The following GOLGB1 variants were observed in gnomAD, a reference collection of about 807,000 sequenced individuals.
The protein encoded by GOLGB1 is golgin B1, also known as golgin subfamily B member 1.
A neutral mutation model predicts 336.9 loss-of-function variants in GOLGB1; 174 were observed. The ratio of observed to expected loss-of-function variants is 0.52; its 90% CI spans 0.46 to 0.59. The LOEUF is 0.59. Among genes scored for constraint, GOLGB1 ranks in the 20% least tolerant of loss-of-function variants. GOLGB1 has a pLI of 0.00. For missense variants in GOLGB1, 3,331 were observed against 3,645.3 expected, an observed-to-expected ratio of 0.91 and a Z score of 2.22; for synonymous variants, 1,208 against 1,289.2, an observed-to-expected ratio of 0.94 and a Z score of 1.35.
At chr3:121,747,271 A>G (rs9854234) in intron 1 of GOLGB1, among the ~76,000 whole-genome samples, 1,806 of 134,514 alleles carry the variant, frequency 0.013, 37 homozygotes, top group African/African-American at 0.049. Context: ...ATATATATGT[A>G]TATATGTATA....
chr3:121,680,563 T>C (rs1243486339), intron 15 of GOLGB1, among the ~76,000 whole-genome samples: 1 of 152,070 alleles, frequency 6.6e-6, no homozygotes, highest in African/African-American at 2.4e-5. Context: ...AATAAAAAGC[T>C]AACTCACTGG....
At chr3:121,670,643 C>CT (rs1453541233) in intron 17 of GOLGB1, among the ~76,000 whole-genome samples, 1 of 151,664 alleles carries the variant, frequency 6.6e-6, no homozygotes, top group East Asian at 1.9e-4. Context: ...AGATGTCAAA[C>CT]CAGGACTCAA....
intron 1 of GOLGB1, among the ~76,000 whole-genome samples, chr3:121,733,287 C>CAAAAAAAA (rs35457720): frequency 1.5e-5 from 1 of 64,638 alleles, no homozygotes. Context: ...TGCTCCGTCT[C>CAAAAAAAA]AAAAAAAAAA....
intron 10 of GOLGB1, among the ~76,000 whole-genome samples, chr3:121,711,232 C>T (rs1944338918): frequency 6.6e-6 from 1 of 151,402 alleles, no homozygotes; most frequent in African/African-American, 2.4e-5. Context: ...AGGATTGCTA[C>T]AACTAGACAT....
Position 121,695,127 on chromosome 3 carries a change from G to C in GOLGB1, c.5396C>G (p.Pro1799Arg), listed in dbSNP as rs749888432. Residue 1799 changes from proline (P) to arginine (R), a missense_variant, in exon 13 of 22, where the codon CCA (proline) becomes CGA (arginine). Physicochemically the swap from Pro to Arg is moderately radical, Grantham distance 103 (BLOSUM62 -2). Coordinates refer to ENST00000614479, the MANE Select transcript of GOLGB1 (RefSeq NM_001366282.2). ...AGAGTCTTGCTCTTCAGTCTCACCT[G>C]GTATAGACTGTGTTCCCTCTTCAGT... ...NVTEEGTQSI[P>R]GETEEQDSLS... 1 of 1,612,784 alleles carries C rather than the reference G, an allele frequency of 6.2e-7. No individual in the cohort carries two copies. Among genetic ancestry groups the C allele is most frequent in the Non-Finnish European group, 8.5e-7 (1 of 1,179,270 alleles).
In GOLGB1 at chr3:121,698,204, T is replaced by C. The variant is rs1943112410; in HGVS notation, c.2319A>G (p.Gln773=). Residue 773 remains glutamine (Q), a synonymous_variant, in exon 13 of 22, where the codon CAA becomes CAG. Coordinates refer to ENST00000614479, the MANE Select transcript of GOLGB1 (RefSeq NM_001366282.2). ...MVTELRAQVK[Q]LEMNLAEAER... is the part of the protein sequence containing the mutation. ...CTGCTTCTGCAAGGTTCATTTCCAG[T>C]TGCTTTACCTGAGCCCTCAATTCTG... 6.2e-7 allele frequency: 1 copy of C among 1,613,886 alleles called. No individual in the cohort carries two copies. Among genetic ancestry groups the C allele is most frequent in the Non-Finnish European group, 8.5e-7 (1 of 1,179,954 alleles).
chr3:121,692,321 C>T lies in GOLGB1; in HGVS notation c.7043G>A (p.Arg2348Lys). Residue 2348 changes from arginine (R) to lysine (K), a missense_variant, in exon 14 of 22, where the codon AGG becomes AAG. Transcript: ENST00000614479. ...EQKGNLEGIIRQQEADIQNSK... is the reference protein window; with the variant it reads ...EQKGNLEGIIKQQEADIQNSK... Reference sequence around the variant, plus strand: ...ATTTTGAATATCAGCCTCTTGCTGCCTTATGATCCCTTCCAAGTTTCCTTT... The same window carrying T: ...ATTTTGAATATCAGCCTCTTGCTGCTTTATGATCCCTTCCAAGTTTCCTTT... The T allele has an allele frequency of 1.2e-6, 2 of 1,610,218 alleles. No individual in the cohort carries two copies. Among genetic ancestry groups the T allele is most frequent in the Non-Finnish European group, 1.7e-6 (2 of 1,178,990 alleles).
At position 121,691,637 on chromosome 3, in the gene GOLGB1, T is replaced by G; in HGVS notation, c.7727A>C (p.Lys2576Thr). ...AGATTCCTTCAGCTTTTCTTCTAATTTAGCATATTTATTTTCCAGCTCCTT... is the reference window on the plus strand; with the variant it reads ...AGATTCCTTCAGCTTTTCTTCTAATGTAGCATATTTATTTTCCAGCTCCTT... ...QNKELENKYA[K>T]LEEKLKESEE... The change falls in exon 14 of 22, where the codon AAA becomes ACA. Residue 2576 changes from lysine (K) to threonine (T), a missense_variant. Transcript: ENST00000614479. 1.2e-6 allele frequency: 2 copies of G among 1,613,192 alleles called. No homozygotes were observed. The highest frequency in any genetic ancestry group is 8.5e-7 in the Non-Finnish European group (1 of 1,179,746).
intron 10 of GOLGB1, among the ~76,000 whole-genome samples, chr3:121,707,986 CATAAAT>C (rs1034067073): frequency 6.6e-6 from 1 of 152,274 alleles, no homozygotes; most frequent in Admixed American, 6.5e-5. Context: ...AAAACATAAA[CATAAAT>C]GCTTTATATG....
chr3:121,744,441 C>CAAAAAAAAAA (rs11290154), intron 1 of GOLGB1, among the ~76,000 whole-genome samples: 1 of 73,096 alleles, frequency 1.4e-5, no homozygotes, highest in East Asian at 4.1e-4. Context: ...ACTGTCTCTA[C>CAAAAAAAAAA]AAAAAAAAAA....
At chr3:121,744,639 T>A (rs1443648287) in intron 1 of GOLGB1, among the ~76,000 whole-genome samples, 23 of 143,468 alleles carry the variant, frequency 1.6e-4, no homozygotes, top group Middle Eastern at 3.6e-3. Context: ...AAAAAAAAAT[T>A]AAAAAGATTG....
chr3:121,746,589 T>C (rs938462855), intron 1 of GOLGB1, among the ~76,000 whole-genome samples: 3 of 152,172 alleles, frequency 2.0e-5, no homozygotes, highest in Non-Finnish European at 4.4e-5. Flanking sequence ...GCGATTCTCC[T>C]GCCTGAGCCT....
chr3:121,683,461 G>A (rs1475410129), intron 14 of GOLGB1, among the ~76,000 whole-genome samples: 1 of 152,044 alleles, frequency 6.6e-6, no homozygotes, highest in Non-Finnish European at 1.5e-5. Flanking sequence ...GTCTTCTCTT[G>A]AAAATCTGAC....
intron 14 of GOLGB1, among the ~76,000 whole-genome samples, chr3:121,685,449 C>G (rs544574374): frequency 6.6e-6 from 1 of 151,962 alleles, no homozygotes; most frequent in Non-Finnish European, 1.5e-5. Context: ...GCAGAAGAAT[C>G]GCTTGAACCC....
At chr3:121,699,472 T>C (rs1268928530) in intron 12 of GOLGB1, among the ~76,000 whole-genome samples, 1 of 152,178 alleles carries the variant, frequency 6.6e-6, no homozygotes, top group Non-Finnish European at 1.5e-5. Flanking sequence ...TTAATCTTAG[T>C]AAAACTATGC....
Position 121,696,288 on chromosome 3 carries a change from T to A in GOLGB1, c.4235A>T (p.Asp1412Val), listed in dbSNP as rs757889673. 1.5e-5 allele frequency: 24 copies of A among 1,613,882 alleles called. No individual in the cohort carries two copies. The highest frequency in any genetic ancestry group is 2.0e-5 in the Non-Finnish European group (24 of 1,180,006). Residue 1412 changes from aspartate (D) to valine (V), a missense_variant, in exon 13 of 22, where the codon GAC becomes GTC. Coordinates refer to ENST00000614479, the MANE Select transcript of GOLGB1 (RefSeq NM_001366282.2). Reference sequence around the variant, plus strand: ...AAGTTGTCCAGAAAGGTAGCTAACGTCTTCTTCCTTTTTGCTTATGAGTTT... The same window carrying A: ...AAGTTGTCCAGAAAGGTAGCTAACGACTTCTTCCTTTTTGCTTATGAGTTT... ...LQKLISKKEE[D>V]VSYLSGQLSE...
At chr3:121,702,111 C>A (rs1037788287) in intron 11 of GOLGB1, among the ~76,000 whole-genome samples, 3 of 152,050 alleles carry the variant, frequency 2.0e-5, no homozygotes, top group African/African-American at 7.2e-5. Flanking sequence ...TCTCTGTTAC[C>A]TCATCCCACA....
intron 14 of GOLGB1, among the ~76,000 whole-genome samples, chr3:121,688,970 T>G (rs1942100131): frequency 6.6e-6 from 1 of 151,610 alleles, no homozygotes; most frequent in Non-Finnish European, 1.5e-5. Context: ...GTCTGGGAAG[T>G]GAGGAGCGTC....
At chr3:121,706,743 A>AAAAAAAAAAAAAAAAAAAAC (rs1943880556) in intron 10 of GOLGB1, among the ~76,000 whole-genome samples, 1 of 148,858 alleles carries the variant, frequency 6.7e-6, no homozygotes, top group Non-Finnish European at 1.5e-5. Flanking sequence ...CAAAAAAAAA[A>AAAAAAAAAAAAAAAAAAAAC]AAAAAAAAAA....
Sources: gnomAD v4.1 joint callset for allele counts (sites outside exome capture counted in the v4.1 genomes callset) on GRCh38, gnomAD v4.1.1 for gene constraint, MANE v1.5 for transcripts, NCBI Gene and HGNC (gene_info 2026-07-23, HGNC 2026-07-21) for gene names.